THSD4: variants seen among roughly 807,000 people sequenced by gnomAD.
THSD4 encodes the protein thrombospondin type 1 domain containing 4, also known as thrombospondin type-1 domain-containing protein 4.
In THSD4, 69 loss-of-function variants were observed where a neutral mutation model predicts 119.0. The ratio of observed to expected loss-of-function variants is 0.58; its 90% CI spans 0.48 to 0.71. The LOEUF (loss-of-function observed/expected upper bound fraction) is 0.71. Among genes scored for constraint, THSD4 ranks in the 30% least tolerant of loss-of-function variants. The pLI is 0.00. For missense variants in THSD4, 1,393 were observed against 1,391.1 expected (o/e 1.00, Z -0.02); for synonymous variants, 524 against 540.4 (o/e 0.97, Z 0.42).
At position 71,528,790 on chromosome 15, in the gene THSD4, A is replaced by G. The variant is rs184148421; in HGVS notation, c.1152+116967A>G. Among the ~76,000 whole-genome samples the G allele has an allele frequency of 1.6e-4, 24 of 152,348 alleles. No individual in the cohort carries two copies. In the Middle Eastern group the frequency reaches 0.014, roughly 86 times the overall value. ...CTGGCCTTAGATGAAGCAGGAGCAG[A>G]GGGGGAAATCTTGATCTGTGGCAGG... On this transcript the variant is annotated intron_variant, in intron 7 of 17. Coordinates refer to ENST00000261862, the MANE Select transcript of THSD4 (RefSeq NM_024817.3).
chr15:71,221,944 G>A (rs549278759), intron 4 of THSD4, among the ~76,000 whole-genome samples: 3 of 152,192 alleles, frequency 2.0e-5, no homozygotes, highest in African/African-American at 7.2e-5. Context: ...CATCCTAATG[G>A]GTGTGGGGTG....
intron 7 of THSD4, among the ~76,000 whole-genome samples, chr15:71,616,204 A>C (rs986411099): frequency 4.6e-5 from 7 of 152,244 alleles, no homozygotes; most frequent in Non-Finnish European, 7.3e-5. Flanking sequence ...AGCTGATCTT[A>C]ATACTCTGAA....
chr15:71,338,986 T>C (rs538840562), intron 6 of THSD4, among the ~76,000 whole-genome samples: 1 of 152,282 alleles, frequency 6.6e-6, no homozygotes, highest in South Asian at 2.1e-4. Flanking sequence ...GACCAGTGTT[T>C]ACGAGTTAAA....
At chr15:71,331,351 G>A (rs1054212306) in intron 6 of THSD4, among the ~76,000 whole-genome samples, 18 of 152,196 alleles carry the variant, frequency 1.2e-4, no homozygotes, top group African/African-American at 4.3e-4. Flanking sequence ...GGTCTCAGGC[G>A]GCCAAGATCA....
At chr15:71,534,896 G>T (rs1036957948) in intron 7 of THSD4, among the ~76,000 whole-genome samples, 11 of 152,180 alleles carry the variant, frequency 7.2e-5, no homozygotes, top group Middle Eastern at 3.4e-3. Context: ...GGAGGCAGGG[G>T]TTGCAGTGAG....
chr15:71,115,543 G>T lies in THSD4; in HGVS notation c.-235G>T, dbSNP rs1431094568. Reference sequence around the variant, plus strand: ...CCCGCGCAGCCCGACGCGGAATCGGGGCACAGCGGGAGCCCGTGCAGGGCG... The same window carrying T: ...CCCGCGCAGCCCGACGCGGAATCGGTGCACAGCGGGAGCCCGTGCAGGGCG... On this transcript the variant is annotated 5_prime_UTR_variant, in exon 1 of 18. Transcript: ENST00000261862. The surrounding 1 kb of genome is among the most constrained non-coding windows in gnomAD (Gnocchi z 4.4). The T allele has an allele frequency of 6.6e-6, 1 of 151,040 alleles. No individual in the cohort carries two copies. The highest frequency in any genetic ancestry group is 1.5e-5 in the Non-Finnish European group (1 of 67,702). 9.4% of individuals were successfully genotyped at this position (151,040 alleles called of 1,614,324 possible). A position where few individuals can be genotyped will look rare whatever the true frequency, so the allele number is the denominator to read the frequency against.
chr15:71,477,171 C>T (rs1011132213), intron 7 of THSD4, among the ~76,000 whole-genome samples: 3 of 152,336 alleles, frequency 2.0e-5, no homozygotes, highest in African/African-American at 7.2e-5. Flanking sequence ...GCAAAAGCTC[C>T]ACACGCCCTC....
At chr15:71,762,462 T>TG (rs2053642971) in intron 15 of THSD4, among the ~76,000 whole-genome samples, 1 of 152,236 alleles carries the variant, frequency 6.6e-6, no homozygotes, top group South Asian at 2.1e-4. Context: ...TCTTTTCAGA[T>TG]AAGACCACAG....
At chr15:71,323,561 G>A (rs895680916) in intron 6 of THSD4, among the ~76,000 whole-genome samples, 2 of 152,188 alleles carry the variant, frequency 1.3e-5, no homozygotes, top group African/African-American at 4.8e-5. Context: ...TAGTCATCTT[G>A]AGCTTAAAGC....
rs60448462 is a variant in THSD4 at position 71,263,331 on chromosome 15, G to GTATATATATATATATATATATATATATA, written c.1015+6632_1015+6633insTATATATATATATATATATATATATATA. On this transcript the variant is annotated intron_variant, in intron 6 of 17. Transcript: ENST00000261862. ...TTTTATGGCTGCATAGTATTCCATG[G>GTATATATATATATATATATATATATATA]TATATATATATATATACGACATTTT... 4.6e-3 allele frequency among the ~76,000 whole-genome samples: 635 copies of GTATATATATATATATATATATATATATA among 138,528 alleles called. 15 individuals carry two copies. Among genetic ancestry groups the GTATATATATATATATATATATATATATA allele is most frequent in the Non-Finnish European group, 7.1e-3 (456 of 64,002 alleles). The allele number at this position is 138,528 out of a possible 152,430, so 90.9% of individuals were successfully genotyped here.
intron 7 of THSD4, among the ~76,000 whole-genome samples, chr15:71,639,271 G>A (rs1471898398): frequency 6.6e-6 from 1 of 152,164 alleles, no homozygotes; most frequent in African/African-American, 2.4e-5. Flanking sequence ...TTTGTAAACT[G>A]TACTTTTGAA....
intron 3 of THSD4, among the ~76,000 whole-genome samples, chr15:71,167,825 T>C (rs1188398391): frequency 6.6e-6 from 1 of 152,210 alleles, no homozygotes; most frequent in Non-Finnish European, 1.5e-5. Context: ...CAATGGTGTG[T>C]CCAACTTTAG....
At chr15:71,193,706 T>C (rs2043692904) in intron 3 of THSD4, among the ~76,000 whole-genome samples, 1 of 63,264 alleles carries the variant, frequency 1.6e-5, no homozygotes, top group African/African-American at 4.0e-5. Context: ...GATCTGATGG[T>C]TTTTCTTTTC....
At position 71,777,751 on chromosome 15, in the gene THSD4, G is replaced by T; in HGVS notation, c.*377G>T. On this transcript the variant is annotated 3_prime_UTR_variant, in exon 18 of 18. Transcript: ENST00000261862. ...GCACTGCCCCGTCCCTGGTGCTACT[G>T]GTCTTTCTAAACTTAGCACCCTGGA... 4.0e-6 allele frequency: 1 copy of T among 248,086 alleles called. No individual in the cohort carries two copies. Among genetic ancestry groups the T allele is most frequent in the Non-Finnish European group, 8.1e-6 (1 of 124,102 alleles). The allele number at this position is 248,086 out of a possible 1,614,324, so 15.4% of individuals were successfully genotyped here.
rs1312683654 is a variant in THSD4 at position 71,170,304 on chromosome 15, C to G, written c.99+15372C>G. On this transcript the variant is annotated intron_variant, in intron 3 of 17. Coordinates refer to ENST00000261862, the MANE Select transcript of THSD4 (RefSeq NM_024817.3). ...ATGCAGCATACTACTGATCAGCACA[C>G]ACATTTGAGGAAACAATCTGAGGTT... Among the ~76,000 whole-genome samples, 3 of 152,234 alleles carry G rather than the reference C, an allele frequency of 2.0e-5. No individual in the cohort carries two copies. In the South Asian group the frequency reaches 6.2e-4, roughly 32 times the overall value.
intron 8 of THSD4, among the ~76,000 whole-genome samples, chr15:71,728,299 G>A (rs2052903294): frequency 6.6e-6 from 1 of 151,124 alleles, no homozygotes; most frequent in Admixed American, 6.6e-5. Flanking sequence ...CACCTAACCA[G>A]CCCCCACCCT....
intron 7 of THSD4, among the ~76,000 whole-genome samples, chr15:71,574,968 G>A (rs141571450): frequency 6.6e-6 from 1 of 152,222 alleles, no homozygotes; most frequent in East Asian, 1.9e-4. Flanking sequence ...AGTCTTCTGT[G>A]GAATTACCTT....
At chr15:71,261,051 G>A (rs934938619) in intron 6 of THSD4, among the ~76,000 whole-genome samples, 19 of 152,206 alleles carry the variant, frequency 1.2e-4, no homozygotes. Flanking sequence ...GCGGTGAGCC[G>A]AGATGGCACC....
chr15:71,615,112 G>A (rs1447570947), intron 7 of THSD4, among the ~76,000 whole-genome samples: 2 of 152,164 alleles, frequency 1.3e-5, no homozygotes, highest in Non-Finnish European at 2.9e-5. Context: ...ATTGATTTGT[G>A]CAGATTTGGT....
Sources: gnomAD v4.1 joint callset for allele counts (sites outside exome capture counted in the v4.1 genomes callset) on GRCh38, gnomAD v4.1.1 for gene constraint, Gnocchi (gnomAD v3.1) non-coding constraint, MANE v1.5 for transcripts, NCBI Gene and HGNC (gene_info 2026-07-23, HGNC 2026-07-21) for gene names.